The following VPS13B variants were observed in gnomAD, a reference collection of about 807,000 sequenced individuals.
VPS13B encodes the protein vacuolar protein sorting 13 homolog B.
VPS13B carries 285 observed loss-of-function variants against 426.4 expected under a neutral mutation model. The observed-to-expected ratio is 0.67, with a 90% CI of 0.61 to 0.74. VPS13B has a LOEUF of 0.74. Ranked by LOEUF, VPS13B falls within the 30% of genes least tolerant of loss-of-function variation. The probability of loss-of-function intolerance (pLI) is 0.00; values close to 1 mark genes in which losing one functional copy is unlikely to be tolerated. For missense variants in VPS13B, 4,537 were observed against 4,782.6 expected (o/e 0.95, Z 1.51); for synonymous variants, 1,676 against 1,676.4 (o/e 1.00, Z 0.01).
chr8:99,047,999 C>A (rs1221888811), intron 3 of VPS13B, among the ~76,000 whole-genome samples: 1 of 152,068 alleles, frequency 6.6e-6, no homozygotes, highest in Non-Finnish European at 1.5e-5. Flanking sequence ...TATGAACTTT[C>A]CTCTTAGCAC....
At chr8:99,623,428 A>G (rs529329153) in intron 33 of VPS13B, among the ~76,000 whole-genome samples, 1 of 151,586 alleles carries the variant, frequency 6.6e-6, no homozygotes, top group African/African-American at 2.4e-5. Flanking sequence ...ACATTTCCCT[A>G]CCTCCTCGTA....
chr8:99,470,099 G>T (rs909086396), intron 24 of VPS13B, among the ~76,000 whole-genome samples: 1 of 152,120 alleles, frequency 6.6e-6, no homozygotes, highest in Non-Finnish European at 1.5e-5. Flanking sequence ...TTAAGCCACC[G>T]AGTTTATGGT....
At chr8:99,013,674 G>T in intron 1 of VPS13B, 86 bp from the exon 2 acceptor site, 1 of 1,304,882 alleles carries the variant, frequency 7.7e-7, no homozygotes. Context: ...GCTTTGGTGG[G>T]GACTTACTGC....
intron 23 of VPS13B, among the ~76,000 whole-genome samples, chr8:99,458,355 G>T (rs1249745761): frequency 6.7e-6 from 1 of 150,194 alleles, no homozygotes; most frequent in Non-Finnish European, 1.5e-5. Context: ...CTTTGCTATT[G>T]CGAATAGTGC....
At chr8:99,072,554 C>T (rs13275821) in intron 3 of VPS13B, among the ~76,000 whole-genome samples, 112,686 of 151,982 alleles carry the variant, frequency 0.74, 42,436 homozygotes, top group South Asian at 0.87. Context: ...GCCAGGGGTG[C>T]GGGGCCGAGG....
At chr8:99,288,178 A>G (rs192295533) in intron 19 of VPS13B, among the ~76,000 whole-genome samples, 173 of 152,196 alleles carry the variant, frequency 1.1e-3, no homozygotes, top group African/African-American at 4.0e-3. Context: ...ATAAACCTAC[A>G]TATAAGATTC....
At chr8:99,694,858 A>C (rs1310254292) in intron 35 of VPS13B, among the ~76,000 whole-genome samples, 1 of 152,080 alleles carries the variant, frequency 6.6e-6, no homozygotes, top group Non-Finnish European at 1.5e-5. Flanking sequence ...CAAGAAAAAA[A>C]CAAACAACCC....
At chr8:99,310,822 C>T (rs1375048174) in intron 19 of VPS13B, among the ~76,000 whole-genome samples, 1 of 151,886 alleles carries the variant, frequency 6.6e-6, no homozygotes, top group African/African-American at 2.4e-5. Flanking sequence ...GGTTGGTAGG[C>T]TATTAATTAT....
chr8:99,525,423 C>T (rs532847048), intron 30 of VPS13B, among the ~76,000 whole-genome samples: 3 of 152,154 alleles, frequency 2.0e-5, no homozygotes, highest in South Asian at 2.1e-4. Flanking sequence ...TCTTTGAATA[C>T]GTAGCTGATA....
intron 16 of VPS13B, among the ~76,000 whole-genome samples, chr8:99,181,611 C>T (rs1484887670): frequency 1.3e-5 from 2 of 152,162 alleles, no homozygotes; most frequent in Admixed American, 6.5e-5. Flanking sequence ...TAGTGCCTGA[C>T]ACATAACAAG....
intron 2 of VPS13B, among the ~76,000 whole-genome samples, chr8:99,019,242 T>C (rs1221834084): frequency 7.3e-5 from 11 of 151,358 alleles, no homozygotes; most frequent in Admixed American, 7.3e-4. Context: ...GTTTCACTCT[T>C]GTTGCCCAGG....
chr8:99,689,931 C>T (rs1831578994), intron 35 of VPS13B, among the ~76,000 whole-genome samples: 1 of 152,184 alleles, frequency 6.6e-6, no homozygotes, highest in South Asian at 2.1e-4. Context: ...TCATTTTATA[C>T]ACCCAAGAAA....
chr8:99,742,451 G>A (rs1809794595), intron 39 of VPS13B, among the ~76,000 whole-genome samples: 1 of 152,170 alleles, frequency 6.6e-6, no homozygotes, highest in African/African-American at 2.4e-5. Flanking sequence ...TAGAAAAACA[G>A]AGGATCCTCC....
chr8:99,023,531 A>C (rs1408822526), intron 2 of VPS13B, among the ~76,000 whole-genome samples: 2 of 149,074 alleles, frequency 1.3e-5, no homozygotes, highest in Non-Finnish European at 3.0e-5. Flanking sequence ...CTCAGGCTGG[A>C]GTGCAGTGGC....
intron 15 of VPS13B, 151 bp from the exon 16 acceptor site, chr8:99,169,888 A>AC: frequency 2.2e-6 from 2 of 900,672 alleles, no homozygotes; most frequent in East Asian, 2.6e-5. Flanking sequence ...ATTGTATAGA[A>AC]GAAAATGTTG....
intron 23 of VPS13B, among the ~76,000 whole-genome samples, chr8:99,466,519 A>T (rs1365883495): frequency 6.6e-6 from 1 of 152,272 alleles, no homozygotes; most frequent in East Asian, 1.9e-4. Context: ...TTCAAAAATT[A>T]CTTTCCTATA....
At position 99,784,444 on chromosome 8, in the gene VPS13B, C is replaced by G. The variant is rs1812162341; in HGVS notation, c.7909C>G (p.Gln2637Glu). 1 of 1,613,676 alleles carries G rather than the reference C, an allele frequency of 6.2e-7. No individual in the cohort carries two copies. Among genetic ancestry groups the G allele is most frequent in the Non-Finnish European group, 8.5e-7 (1 of 1,179,678 alleles). Reference protein sequence around the residue: ...NILLASLHSHQYSWRSHKSPQ... With the variant: ...NILLASLHSHEYSWRSHKSPQ... ...TCTGCTGGCGAGTCTCCACAGTCAC[C>G]AGTACAGCTGGCGCTCTCACAAATC... Residue 2637 changes from glutamine to glutamate, a missense_variant, in exon 43 of 62, where the codon CAG becomes GAG. Coordinates refer to ENST00000357162, the MANE Select transcript of VPS13B (RefSeq NM_152564.5).
chr8:99,130,523 G>GA (rs1441152579), intron 8 of VPS13B, among the ~76,000 whole-genome samples: 1 of 151,818 alleles, frequency 6.6e-6, no homozygotes, highest in Non-Finnish European at 1.5e-5. Flanking sequence ...CAGTAGCTGG[G>GA]ACTACAGGTG....
At chr8:99,073,287 G>A (rs1844934802) in intron 3 of VPS13B, among the ~76,000 whole-genome samples, 3 of 152,144 alleles carry the variant, frequency 2.0e-5, no homozygotes, top group African/African-American at 7.2e-5. Context: ...TATTTCAATA[G>A]GGATTGCATT....
Sources: allele counts gnomAD v4.1 joint callset (sites outside exome capture counted in the v4.1 genomes callset), GRCh38; gene constraint gnomAD v4.1.1; transcripts MANE v1.5; gene names NCBI Gene and HGNC (gene_info 2026-07-23, HGNC 2026-07-21).